Variants in FAT4 observed in about 807,000 individuals in gnomAD.
The protein encoded by FAT4 is protocadherin Fat 4.
Under a neutral mutation model 303.9 loss-of-function variants are expected in FAT4, and 84 were observed. The ratio of observed to expected loss-of-function variants is 0.28; its 90% CI spans 0.23 to 0.33. The LOEUF (loss-of-function observed/expected upper bound fraction) is 0.33, where lower values mean the gene tolerates loss of function less well. Ranked by LOEUF, FAT4 falls within the 10% of genes least tolerant of loss-of-function variation. FAT4 has a pLI of 1.00. For missense variants in FAT4, 6,005 were observed against 6,146.8 expected (o/e 0.98, Z 0.77); for synonymous variants, 2,307 against 2,298.8 (o/e 1.00, Z -0.10).
In FAT4 at chr4:125,450,327, T is replaced by C; in HGVS notation, c.9317T>C (p.Ile3106Thr). 1.2e-6 allele frequency: 2 copies of C among 1,614,088 alleles called. No homozygotes were observed. Among genetic ancestry groups the C allele is most frequent in the Non-Finnish European group, 1.7e-6 (2 of 1,179,982 alleles). The part of the protein sequence containing the change: ...MSATIPESHS[I>T]GSIVRTVSAR... ...GCAACCATCCCTGAGAGCCATAGCA[T>C]TGGGTCCATTGTCAGAACTGTTTCT... Residue 3106 changes from isoleucine (I) to threonine (T), a missense_variant, in exon 10 of 18, where the codon ATT (isoleucine) becomes ACT (threonine). Physicochemically the swap from Ile to Thr is moderately conservative, Grantham distance 89 (BLOSUM62 -1). Transcript: ENST00000394329.
chr4:125,367,618 A>G (rs1560781746), intron 2 of FAT4, among the ~76,000 whole-genome samples: 1 of 152,182 alleles, frequency 6.6e-6, no homozygotes, highest in Non-Finnish European at 1.5e-5. Context: ...CATACTCTGT[A>G]ACTAGTTTTT....
intron 12 of FAT4, among the ~76,000 whole-genome samples, chr4:125,472,219 A>T (rs1462354300): frequency 1.3e-5 from 2 of 152,224 alleles, no homozygotes; most frequent in East Asian, 3.9e-4. Context: ...TAAATGAAAA[A>T]ACTTGGTATG....
Position 125,450,755 on chromosome 4 carries a change from A to G in FAT4, c.9745A>G (p.Thr3249Ala), listed in dbSNP as rs764837592. The change falls in exon 10 of 18, where the codon ACA becomes GCA. Residue 3249 changes from threonine to alanine, a missense_variant. Thr to Ala is a moderately conservative substitution (Grantham distance 58, BLOSUM62 0). Transcript: ENST00000394329. ...DSDLFVIDPN[T>A]GVITTQGFLD... Reference sequence around the variant, plus strand: ...TGACCTCTTTGTCATTGACCCTAACACAGGAGTCATAACCACTCAAGGCTT... The same window carrying G: ...TGACCTCTTTGTCATTGACCCTAACGCAGGAGTCATAACCACTCAAGGCTT... 1 of 1,614,130 alleles carries G rather than the reference A, an allele frequency of 6.2e-7. No homozygotes were observed. Among genetic ancestry groups the G allele is most frequent in the Admixed American group, 1.7e-5 (1 of 60,024 alleles).
At chr4:125,406,794 C>T (rs78141285) in intron 3 of FAT4, 86 bp from the exon 4 acceptor site, 2 of 1,461,740 alleles carry the variant, frequency 1.4e-6, no homozygotes, top group East Asian at 4.6e-5. Context: ...AAAAGCCTTC[C>T]TTTGTCAAAT....
intron 11 of FAT4, among the ~76,000 whole-genome samples, chr4:125,467,892 C>A (rs6813101): frequency 6.6e-6 from 1 of 151,974 alleles, no homozygotes; most frequent in African/African-American, 2.4e-5. Flanking sequence ...GGGCCGCTTG[C>A]GGTAGCTCAT....
At chr4:125,473,852 A>T (rs1235385420) in intron 12 of FAT4, among the ~76,000 whole-genome samples, 1 of 151,914 alleles carries the variant, frequency 6.6e-6, no homozygotes, top group African/African-American at 2.4e-5. Context: ...TGTGAAAAAA[A>T]CTCTGTCATT....
Position 125,319,447 on chromosome 4 carries a change from T to C in FAT4, c.3036T>C (p.Asn1012=), listed in dbSNP as rs1730825935. 1 of 1,613,792 alleles carries C rather than the reference T, an allele frequency of 6.2e-7. No homozygotes were observed. The highest frequency in any genetic ancestry group is 1.3e-5 in the African/African-American group (1 of 74,934). Residue 1012 remains asparagine, a synonymous_variant, in exon 2 of 18, where the codon AAT becomes AAC. Transcript: ENST00000394329. ...EVTLSESEPV[N]SRFFKVQASD... is the part of the protein sequence containing the mutation. The stretch of plus-strand genomic sequence containing the variant: ...CCCTTTCTGAGTCAGAACCTGTGAA[T>C]TCTCGATTCTTTAAAGTACAAGCTT...
chr4:125,318,615 G>C lies in FAT4; in HGVS notation c.2204G>C (p.Arg735Pro). Residue 735 changes from arginine (R) to proline (P), a missense_variant, in exon 2 of 18, where the codon CGG (arginine) becomes CCG (proline). Physicochemically the swap from Arg to Pro is moderately radical, Grantham distance 103. Coordinates refer to ENST00000394329, the MANE Select transcript of FAT4 (RefSeq NM_001291303.3). ...KYSISAGDRS[R>P]FQVNAQSGVI... ...AGCATATCTGCTGGGGACAGGTCTC[G>C]GTTTCAGGTCAATGCTCAGAGTGGG... 3.1e-6 allele frequency: 5 copies of C among 1,614,126 alleles called. No individual in the cohort carries two copies. The highest frequency in any genetic ancestry group is 3.4e-6 in the Non-Finnish European group (4 of 1,180,020).
intron 3 of FAT4, among the ~76,000 whole-genome samples, chr4:125,401,367 T>A (rs970681632): frequency 1.3e-4 from 20 of 151,944 alleles, no homozygotes; most frequent in African/African-American, 4.3e-4. Context: ...TCTACTTTAT[T>A]CTCAGCTCCT....
Position 125,408,715 on chromosome 4 carries a change from T to C in FAT4, c.5841T>C (p.Asn1947=). The part of the protein sequence containing the change: ...VNDNPPIFSL[N]SYSTSLMENL... ...ATAATCCACCTATTTTCAGCTTGAA[T>C]TCATACAGCACATCTTTAATGGAGA... Residue 1947 remains asparagine, a synonymous_variant, in exon 5 of 18, where the codon AAT becomes AAC. Transcript: ENST00000394329. 1.2e-6 allele frequency: 2 copies of C among 1,612,162 alleles called. No homozygotes were observed. The highest frequency in any genetic ancestry group is 1.7e-6 in the Non-Finnish European group (2 of 1,178,588).
chr4:125,324,922 C>A (rs1023338620), intron 2 of FAT4, among the ~76,000 whole-genome samples: 2 of 152,000 alleles, frequency 1.3e-5, no homozygotes, highest in Non-Finnish European at 2.9e-5. Flanking sequence ...TTTTTTCTAA[C>A]TAAAAATTAA....
chr4:125,315,234 C>T lies in FAT4; in HGVS notation c.-756C>T, dbSNP rs1445278196. Reference sequence around the variant, plus strand: ...AGGGAGAGCGCTGACAGGCGCCGTCCGGAGCTGCGGAGGGCGTCACTACAG... The same window carrying T: ...AGGGAGAGCGCTGACAGGCGCCGTCTGGAGCTGCGGAGGGCGTCACTACAG... On this transcript the variant is annotated 5_prime_UTR_variant, in exon 1 of 18. Transcript: ENST00000394329. Among the ~76,000 whole-genome samples, 2 of 151,802 alleles carry T rather than the reference C, an allele frequency of 1.3e-5. No homozygotes were observed. The highest frequency in any genetic ancestry group is 4.8e-5 in the African/African-American group (2 of 41,312).
At chr4:125,366,934 T>A (rs1308931945) in intron 2 of FAT4, among the ~76,000 whole-genome samples, 1 of 152,132 alleles carries the variant, frequency 6.6e-6, no homozygotes, top group East Asian at 1.9e-4. Flanking sequence ...CTTTGCCCAC[T>A]TTTTAATGGT....
intron 8 of FAT4, among the ~76,000 whole-genome samples, chr4:125,442,616 A>T (rs1725697198): frequency 6.6e-6 from 1 of 152,162 alleles, no homozygotes; most frequent in Admixed American, 6.6e-5. Flanking sequence ...AGATAAAATT[A>T]TCTTCTGGCT....
rs779434141 is a variant in FAT4, at chr4:125,414,876, A to G, written c.5921-8A>G. Reference sequence around the variant, plus strand: ...TTTAAGAAAATTTTTTCTTCCCTTTAATTTCAGGCATCAACTCTCAATTGA... The same window carrying G: ...TTTAAGAAAATTTTTTCTTCCCTTTGATTTCAGGCATCAACTCTCAATTGA... On this transcript the variant is annotated splice_region_variant and splice_polypyrimidine_tract_variant and intron_variant, in intron 5 of 17. Transcript: ENST00000394329. The G allele has an allele frequency of 6.4e-7, 1 of 1,564,582 alleles. No homozygotes were observed.
chr4:125,464,592 A>G (rs1170289372), intron 11 of FAT4, among the ~76,000 whole-genome samples: 1 of 151,972 alleles, frequency 6.6e-6, no homozygotes, highest in Non-Finnish European at 1.5e-5. Context: ...ATATGTATAC[A>G]TGTGCCATGT....
intron 2 of FAT4, among the ~76,000 whole-genome samples, chr4:125,349,597 C>T (rs1275676851): frequency 6.6e-6 from 1 of 151,574 alleles, no homozygotes; most frequent in Non-Finnish European, 1.5e-5. Flanking sequence ...ACATAAGCAG[C>T]CAAATAGCAC....
chr4:125,358,769 G>A (rs1049273495), intron 2 of FAT4, among the ~76,000 whole-genome samples: 4 of 152,068 alleles, frequency 2.6e-5, no homozygotes, highest in Non-Finnish European at 5.9e-5. Context: ...CAGGGGTTGG[G>A]GACCCCTTAT....
intron 2 of FAT4, among the ~76,000 whole-genome samples, chr4:125,332,613 A>G (rs1731429136): frequency 6.6e-6 from 1 of 152,026 alleles, no homozygotes; most frequent in Admixed American, 6.6e-5. Flanking sequence ...TCATCTCTCA[A>G]TTTTTAGTGA....
Sources: gnomAD v4.1 joint callset for allele counts (sites outside exome capture counted in the v4.1 genomes callset) on GRCh38, gnomAD v4.1.1 for gene constraint, MANE v1.5 for transcripts, NCBI Gene and HGNC (gene_info 2026-07-23, HGNC 2026-07-21) for gene names.